FAM107B: variants seen among roughly 807,000 people sequenced by gnomAD.
FAM107B encodes the protein family with sequence similarity 107 member B.
Under a neutral mutation model 31.5 loss-of-function variants are expected in FAM107B, and 21 were observed. The ratio of observed to expected loss-of-function variants is 0.67; its 90% CI spans 0.47 to 0.96. The LOEUF (loss-of-function observed/expected upper bound fraction) is 0.96, where lower values mean the gene tolerates loss of function less well. Among genes scored for constraint, FAM107B ranks in the 40% least tolerant of loss-of-function variants. The pLI, the probability that FAM107B is intolerant of heterozygous loss-of-function variation, is 0.00. For missense variants in FAM107B, 452 were observed against 377.1 expected (o/e 1.20, Z -1.64); for synonymous variants, 157 against 141.5 (o/e 1.11, Z -0.78).
At chr10:14,617,641 T>A (rs1176288781) in intron 2 of FAM107B, among the ~76,000 whole-genome samples, 1 of 150,560 alleles carries the variant, frequency 6.6e-6, no homozygotes, top group Admixed American at 6.7e-5. Flanking sequence ...TCAACACATG[T>A]AAAGCAAGAG....
At chr10:14,588,210 T>C (rs1012280389) in intron 2 of FAM107B, among the ~76,000 whole-genome samples, 1 of 150,758 alleles carries the variant, frequency 6.6e-6, no homozygotes, top group Middle Eastern at 3.5e-3. Context: ...AGGCTGTGCG[T>C]GCAAGCTGTT....
intron 2 of FAM107B, among the ~76,000 whole-genome samples, chr10:14,615,059 T>C (rs1852816535): frequency 6.6e-6 from 1 of 152,180 alleles, no homozygotes; most frequent in African/African-American, 2.4e-5. Context: ...CTGGGTGTGG[T>C]GGTTCACATC....
chr10:14,651,353 C>T (rs1252243546), intron 2 of FAM107B, among the ~76,000 whole-genome samples: 1 of 152,188 alleles, frequency 6.6e-6, no homozygotes, highest in African/African-American at 2.4e-5. Flanking sequence ...CGCCTATAAT[C>T]CCAGCACTTT....
chr10:14,718,083 T>G lies in FAM107B; in HGVS notation c.412-50392A>C, dbSNP rs11817387. ...GGCTCACGCCTGTAATCCTAACACTTTGGGAGGCCAAGGCGGGCAGATCAC... is the reference window on the plus strand; with the variant it reads ...GGCTCACGCCTGTAATCCTAACACTGTGGGAGGCCAAGGCGGGCAGATCAC... On this transcript the variant is annotated intron_variant, in intron 1 of 4. Transcript: ENST00000181796. Among the ~76,000 whole-genome samples, 920 of 152,228 alleles carry G rather than the reference T, an allele frequency of 6.0e-3. 1 individual carries two copies. Among genetic ancestry groups the G allele is most frequent in the African/African-American group, 0.021 (860 of 41,524 alleles).
intron 1 of FAM107B, among the ~76,000 whole-genome samples, chr10:14,716,407 G>C (rs1855780830): frequency 6.6e-6 from 1 of 152,180 alleles, no homozygotes; most frequent in Non-Finnish European, 1.5e-5. Context: ...TTGCCATGTG[G>C]GCCTCTCCAC....
chr10:14,527,055 T>C (rs1434032370), intron 3 of FAM107B, among the ~76,000 whole-genome samples: 6 of 152,100 alleles, frequency 3.9e-5, no homozygotes, highest in Admixed American at 2.6e-4. Flanking sequence ...GCTAGGATGG[T>C]CTTGATCTCC....
chr10:14,670,655 A>G (rs1854517732), intron 1 of FAM107B, among the ~76,000 whole-genome samples: 1 of 152,226 alleles, frequency 6.6e-6, no homozygotes, highest in African/African-American at 2.4e-5. Context: ...CTGTGAAATA[A>G]CATAGCCCTT....
intron 1 of FAM107B, among the ~76,000 whole-genome samples, chr10:14,677,601 A>G (rs1301183825): frequency 1.3e-5 from 2 of 152,228 alleles, no homozygotes; most frequent in Non-Finnish European, 2.9e-5. Flanking sequence ...AGCCTGGGCG[A>G]CAGAGCGAGA....
At chr10:14,543,856 C>T (rs1848464733) in intron 2 of FAM107B, among the ~76,000 whole-genome samples, 1 of 152,160 alleles carries the variant, frequency 6.6e-6, no homozygotes, top group African/African-American at 2.4e-5. Flanking sequence ...GGCTCACCTG[C>T]TGGTCTCCAC....
intron 1 of FAM107B, among the ~76,000 whole-genome samples, chr10:14,736,834 T>C (rs1222368174): frequency 6.6e-6 from 1 of 152,174 alleles, no homozygotes; most frequent in Non-Finnish European, 1.5e-5. Context: ...ATGACTGCAA[T>C]GTGAAATCAT....
intron 2 of FAM107B, among the ~76,000 whole-genome samples, chr10:14,643,974 A>G (rs2131436409): frequency 6.6e-6 from 1 of 152,344 alleles, no homozygotes; most frequent in Admixed American, 6.5e-5. Context: ...ACAGCTGTCC[A>G]ATTGAAGAAT....
At chr10:14,713,113 C>T (rs1855699233) in intron 1 of FAM107B, among the ~76,000 whole-genome samples, 1 of 152,164 alleles carries the variant, frequency 6.6e-6, no homozygotes, top group Non-Finnish European at 1.5e-5. Flanking sequence ...TCCTCCCTCT[C>T]TCTGGCTAAT....
chr10:14,736,680 T>C lies in FAM107B; in HGVS notation c.411+37573A>G, dbSNP rs181396546. ...CACTAAGTATAAACATCATAAATCATTAACTGATCATTTCCAAAAAGTGAC... is the reference window on the plus strand; with the variant it reads ...CACTAAGTATAAACATCATAAATCACTAACTGATCATTTCCAAAAAGTGAC... On this transcript the variant is annotated intron_variant, in intron 1 of 4. Coordinates refer to ENST00000181796, the MANE Select transcript of FAM107B (RefSeq NM_031453.4). 1.1e-4 allele frequency among the ~76,000 whole-genome samples: 17 copies of C among 152,302 alleles called. No individual in the cohort carries two copies. The East Asian group carries it at 3.3e-3, about 29-fold the overall frequency.
Position 14,704,700 on chromosome 10 carries a change from G to A in FAM107B, c.412-37009C>T, listed in dbSNP as rs546158595. ...AATATATAAAGAATGCCTACAACTC[G>A]ATAAGAACAAAACAAACAATCTAAT... On this transcript the variant is annotated intron_variant, in intron 1 of 4. Transcript: ENST00000181796. 2.0e-5 allele frequency among the ~76,000 whole-genome samples: 3 copies of A among 152,170 alleles called. No homozygotes were observed. The East Asian group carries it at 5.8e-4, about 29-fold the overall frequency.
At chr10:14,560,590 G>C (rs920798903) in intron 2 of FAM107B, among the ~76,000 whole-genome samples, 1 of 152,182 alleles carries the variant, frequency 6.6e-6, no homozygotes, top group Non-Finnish European at 1.5e-5. Flanking sequence ...GCAGTCGATG[G>C]AAGGCTCGGA....
rs1055053465 is a variant in FAM107B at position 14,520,949 on chromosome 10, T to C, written c.*241A>G. 4.6e-6 allele frequency: 2 copies of C among 430,518 alleles called. No homozygotes were observed. Among genetic ancestry groups the C allele is most frequent in the African/African-American group, 2.0e-5 (1 of 49,104 alleles). The allele number at this position is 430,518 out of a possible 1,614,324, so 26.7% of individuals were successfully genotyped here. A position where few individuals can be genotyped will look rare whatever the true frequency, so the allele number is the denominator to read the frequency against. On this transcript the variant is annotated 3_prime_UTR_variant, in exon 5 of 5. Coordinates refer to ENST00000181796, the MANE Select transcript of FAM107B (RefSeq NM_031453.4). ...TTGCTTGTTGGTTCTGTTAAGTCTC[T>C]GAACACAGGTCCATCATTCCAACTT... is the stretch of plus-strand genomic sequence containing the variant.
At position 14,627,512 on chromosome 10, in the gene FAM107B, G is replaced by T. The variant is rs569556528; in HGVS notation, c.469+40122C>A. 4.6e-5 allele frequency among the ~76,000 whole-genome samples: 7 copies of T among 152,314 alleles called. No individual in the cohort carries two copies. In the South Asian group the frequency reaches 1.5e-3, roughly 32 times the overall value. Reference sequence around the variant, plus strand: ...GGTGAGGCTGGGTGCAATGGCTCACGCCTGTCATCCCAACACTTTGGAAGG... The same window carrying T: ...GGTGAGGCTGGGTGCAATGGCTCACTCCTGTCATCCCAACACTTTGGAAGG... On this transcript the variant is annotated intron_variant, in intron 2 of 4. Coordinates refer to ENST00000181796, the MANE Select transcript of FAM107B (RefSeq NM_031453.4).
chr10:14,529,228 T>C (rs1428452898), intron 3 of FAM107B, among the ~76,000 whole-genome samples: 1 of 152,242 alleles, frequency 6.6e-6, no homozygotes, highest in Non-Finnish European at 1.5e-5. Flanking sequence ...TTCTTTCTTC[T>C]ATTGTGTGAC....
At chr10:14,650,010 C>T (rs538142515) in intron 2 of FAM107B, among the ~76,000 whole-genome samples, 204 of 152,270 alleles carry the variant, frequency 1.3e-3, no homozygotes, top group Non-Finnish European at 2.4e-3. Flanking sequence ...CTTGGGTCAA[C>T]ACCTGGTCCG....
Sources: allele counts gnomAD v4.1 joint callset (sites outside exome capture counted in the v4.1 genomes callset), GRCh38; gene constraint gnomAD v4.1.1; transcripts MANE v1.5; gene names NCBI Gene and HGNC (gene_info 2026-07-23, HGNC 2026-07-21).